SMAD5: variants seen among roughly 807,000 people sequenced by gnomAD.
SMAD5 encodes the protein SMAD family member 5.
A neutral mutation model predicts 43.1 loss-of-function variants in SMAD5; 9 were observed. The observed-to-expected ratio is 0.21, with a 90% CI of 0.13 to 0.36. The LOEUF is 0.36. Among genes scored for constraint, SMAD5 ranks in the 10% least tolerant of loss-of-function variants. SMAD5 has a pLI of 1.00. For missense variants in SMAD5, 348 were observed against 574.0 expected, an observed-to-expected ratio of 0.61 and a Z score of 4.02; for synonymous variants, 190 against 192.4, an observed-to-expected ratio of 0.99 and a Z score of 0.10.
chr5:136,171,690 G>A (rs191425720), intron 5 of SMAD5, among the ~76,000 whole-genome samples: 10 of 152,262 alleles, frequency 6.6e-5, no homozygotes, highest in African/African-American at 2.4e-4. Context: ...CTCAAGTCTC[G>A]TATGTCATAT....
intron 2 of SMAD5, among the ~76,000 whole-genome samples, chr5:136,150,796 A>G (rs1753431534): frequency 6.6e-6 from 1 of 152,070 alleles, no homozygotes; most frequent in Non-Finnish European, 1.5e-5. Flanking sequence ...ATTAGAATTC[A>G]TGTTTGAATA....
rs1246210587 is a variant in SMAD5 at position 136,153,743 on chromosome 5, T to C, written c.-18T>C. 6.3e-7 allele frequency: 1 copy of C among 1,583,886 alleles called. No homozygotes were observed. The highest frequency in any genetic ancestry group is 1.3e-5 in the African/African-American group (1 of 74,216). On this transcript the variant is annotated 5_prime_UTR_variant, in exon 3 of 8. Transcript: ENST00000545279. ...ACTGACTTTGAGTTACAGGAAGGTC[T>C]CCGAAGATTTGTGTCAAATGACGTC...
intron 7 of SMAD5, among the ~76,000 whole-genome samples, chr5:136,175,532 C>T (rs1177301654): frequency 6.6e-6 from 1 of 152,140 alleles, no homozygotes; most frequent in Admixed American, 6.5e-5. Context: ...CTCTCTTCAC[C>T]TGACTGTATT....
intron 1 of SMAD5, among the ~76,000 whole-genome samples, chr5:136,141,981 T>TA (rs1274275542): frequency 6.6e-6 from 1 of 152,158 alleles, no homozygotes; most frequent in Non-Finnish European, 1.5e-5. Flanking sequence ...CTTCAAGAAA[T>TA]ATGTTTATTT....
At chr5:136,145,291 G>T (rs939920829) in intron 1 of SMAD5, among the ~76,000 whole-genome samples, 3 of 151,720 alleles carry the variant, frequency 2.0e-5, no homozygotes, top group African/African-American at 7.3e-5. Context: ...TTAACTTCTC[G>T]TGTTGAGTAA....
chr5:136,139,562 C>G (rs1753002271), intron 1 of SMAD5, among the ~76,000 whole-genome samples: 1 of 152,138 alleles, frequency 6.6e-6, no homozygotes, highest in Admixed American at 6.5e-5. Context: ...CTCACCACCC[C>G]ACTGCTATCA....
intron 2 of SMAD5, among the ~76,000 whole-genome samples, chr5:136,150,112 A>T (rs1295417964): frequency 6.6e-6 from 1 of 151,770 alleles, no homozygotes; most frequent in East Asian, 1.9e-4. Flanking sequence ...AATGTTTCGT[A>T]ATATTTAGGT....
intron 6 of SMAD5, among the ~76,000 whole-genome samples, chr5:136,173,993 T>C (rs1442448832): frequency 5.3e-5 from 8 of 152,046 alleles, no homozygotes; most frequent in Non-Finnish European, 1.2e-4. Context: ...AGTGCAAAAG[T>C]CTGTCAAATG....
intron 6 of SMAD5, among the ~76,000 whole-genome samples, chr5:136,173,927 T>G (rs1055502042): frequency 4.6e-5 from 7 of 151,964 alleles, no homozygotes; most frequent in African/African-American, 1.7e-4. Context: ...GACCTGAAAT[T>G]ATATATGTAA....
intron 5 of SMAD5, among the ~76,000 whole-genome samples, chr5:136,169,119 T>G (rs1276877878): frequency 6.6e-6 from 1 of 152,180 alleles, no homozygotes; most frequent in African/African-American, 2.4e-5. Context: ...GCCTTCAGTC[T>G]GTGGCCAAAG....
chr5:136,173,245 C>G (rs1754287807), intron 6 of SMAD5, among the ~76,000 whole-genome samples: 2 of 152,128 alleles, frequency 1.3e-5, no homozygotes, highest in Non-Finnish European at 2.9e-5. Context: ...CCATAACAAA[C>G]CGGGCCCTTT....
At chr5:136,173,203 G>A (rs1754285875) in intron 6 of SMAD5, among the ~76,000 whole-genome samples, 1 of 144,628 alleles carries the variant, frequency 6.9e-6, no homozygotes, top group Non-Finnish European at 1.5e-5. Context: ...AGGCAATAAG[G>A]TTTTATTAAT....
At chr5:136,157,874 T>C (rs912015659) in intron 3 of SMAD5, among the ~76,000 whole-genome samples, 3 of 152,154 alleles carry the variant, frequency 2.0e-5, no homozygotes, top group Admixed American at 6.5e-5. Context: ...TGATTAAGAC[T>C]GTGGGTTCTG....
Position 136,179,504 on chromosome 5 carries a change from A to G in SMAD5, c.*2024A>G, listed in dbSNP as rs1007623883. On this transcript the variant is annotated 3_prime_UTR_variant, in exon 8 of 8. Transcript: ENST00000545279. ...GCATTTTCGAGGAAAGAATTATGCA[A>G]TTTCTTTTGTTTTCTGTGTCATTAT... 2.1e-4 allele frequency: 32 copies of G among 152,476 alleles called. No homozygotes were observed. The highest frequency in any genetic ancestry group is 6.7e-4 in the African/African-American group (28 of 41,518). 9.4% of individuals were successfully genotyped at this position (152,476 alleles called of 1,614,324 possible). A position where few individuals can be genotyped will look rare whatever the true frequency, so the allele number is the denominator to read the frequency against.
intron 5 of SMAD5, 132 bp downstream of exon 5, chr5:136,163,523 C>A: frequency 1.7e-6 from 1 of 601,136 alleles, no homozygotes; most frequent in Non-Finnish European, 2.7e-6. Context: ...GTGTATGATT[C>A]AAAGATTTTG....
rs553137539 is a variant in SMAD5, at chr5:136,158,638, G to T, written c.404-2218G>T. ...ATCTGGGCCTGGCACGGTGGCTCACGCCTGTAATCCCAGCACTTTGGGAGG... is the reference window on the plus strand; with the variant it reads ...ATCTGGGCCTGGCACGGTGGCTCACTCCTGTAATCCCAGCACTTTGGGAGG... On this transcript the variant is annotated intron_variant, in intron 3 of 7. Coordinates refer to ENST00000545279, the MANE Select transcript of SMAD5 (RefSeq NM_005903.7). 3.3e-5 allele frequency among the ~76,000 whole-genome samples: 5 copies of T among 152,246 alleles called. No individual in the cohort carries two copies. In the East Asian group the frequency reaches 9.7e-4, roughly 29 times the overall value.
At chr5:136,136,958 A>G (rs867692024) in intron 1 of SMAD5, among the ~76,000 whole-genome samples, 6 of 151,414 alleles carry the variant, frequency 4.0e-5, no homozygotes, top group Admixed American at 6.6e-5. Flanking sequence ...TGGCCTCCCA[A>G]AGTGCTGGGA....
chr5:136,144,643 T>C (rs1397933954), intron 1 of SMAD5, among the ~76,000 whole-genome samples: 1 of 151,018 alleles, frequency 6.6e-6, no homozygotes, highest in African/African-American at 2.4e-5. Context: ...ATATATATTA[T>C]TCCCACTGGT....
intron 1 of SMAD5, among the ~76,000 whole-genome samples, chr5:136,138,630 T>C (rs1752967657): frequency 6.6e-6 from 1 of 152,132 alleles, no homozygotes. Context: ...GTGACTACTA[T>C]TGATAATGAG....
Sources: gnomAD v4.1 joint callset for allele counts (sites outside exome capture counted in the v4.1 genomes callset) on GRCh38, gnomAD v4.1.1 for gene constraint, MANE v1.5 for transcripts, NCBI Gene and HGNC (gene_info 2026-07-23, HGNC 2026-07-21) for gene names.